Variants in PKN2 observed in about 807,000 individuals in gnomAD.
PKN2 encodes serine/threonine-protein kinase N2.
In PKN2, 38 loss-of-function variants were observed where a neutral mutation model predicts 119.1. The observed-to-expected ratio is 0.32, with a 90% confidence interval of 0.25 to 0.42. The LOEUF is 0.42. Among genes scored for constraint, PKN2 ranks in the 10% least tolerant of loss-of-function variants. PKN2 has a pLI of 1.00. For synonymous variants in PKN2, 390 were observed against 384.9 expected (o/e 1.01, Z -0.15); for missense variants, 850 against 1,165.1 (o/e 0.73, Z 3.94).
At chr1:88,750,756 T>C (rs143771415) in intron 2 of PKN2, among the ~76,000 whole-genome samples, 14 of 152,302 alleles carry the variant, frequency 9.2e-5, no homozygotes, top group African/African-American at 3.1e-4. Context: ...CCCAGTAATC[T>C]ATAAGTAAAA....
intron 15 of PKN2, 72 bp downstream of exon 15, chr1:88,807,847 A>T (rs1671613340): frequency 7.4e-6 from 6 of 810,296 alleles, no homozygotes; most frequent in Admixed American, 2.4e-5. Context: ...ATGTATTACA[A>T]CAGCAAAACT....
At chr1:88,731,020 C>T (rs977731261) in intron 1 of PKN2, among the ~76,000 whole-genome samples, 2 of 152,216 alleles carry the variant, frequency 1.3e-5, no homozygotes, top group African/African-American at 4.8e-5. Flanking sequence ...GCCTTTGCTG[C>T]TCTTTCAAAT....
At chr1:88,740,076 G>A (rs932071198) in intron 1 of PKN2, among the ~76,000 whole-genome samples, 1 of 152,020 alleles carries the variant, frequency 6.6e-6, no homozygotes, top group Non-Finnish European at 1.5e-5. Context: ...CTTGTATTGT[G>A]TATTATAAAT....
At chr1:88,762,575 G>T (rs995884601) in intron 3 of PKN2, among the ~76,000 whole-genome samples, 12 of 152,110 alleles carry the variant, frequency 7.9e-5, no homozygotes, top group African/African-American at 2.9e-4. Context: ...ATTATGCTCG[G>T]CTCTGGGGTG....
rs113995643 is a variant in PKN2 at position 88,829,834 on chromosome 1, T to C, written c.2562+1211T>C. ...AGTGCTGAATGAACAAATTATCAAA[T>C]TGAATATCAGAAATTTCTAAAGTTT... On this transcript the variant is annotated intron_variant, in intron 19 of 21. Coordinates refer to ENST00000370521, the MANE Select transcript of PKN2 (RefSeq NM_006256.4). Among the ~76,000 whole-genome samples, 854 of 152,318 alleles carry C rather than the reference T, an allele frequency of 5.6e-3. 8 individuals carry two copies. The highest frequency in any genetic ancestry group is 0.02 in the African/African-American group (826 of 41,560).
Position 88,833,566 on chromosome 1 carries a change from T to C in PKN2, c.*118T>C, listed in dbSNP as rs1251792150. On this transcript the variant is annotated 3_prime_UTR_variant, in exon 22 of 22. Coordinates refer to ENST00000370521, the MANE Select transcript of PKN2 (RefSeq NM_006256.4). ...GAGTTTTTTGTTGTTGTTGTTTTTA[T>C]TGAAACACGTGAAGATTTGTTTAAA... 4.2e-6 allele frequency: 3 copies of C among 720,488 alleles called. No individual in the cohort carries two copies. Among genetic ancestry groups the C allele is most frequent in the Non-Finnish European group, 2.3e-6 (1 of 426,856 alleles). 44.6% of individuals were successfully genotyped at this position (720,488 alleles called of 1,614,324 possible).
At chr1:88,825,667 G>A (rs1672472037) in intron 18 of PKN2, among the ~76,000 whole-genome samples, 2 of 152,092 alleles carry the variant, frequency 1.3e-5, no homozygotes, top group African/African-American at 2.4e-5. Flanking sequence ...GACAAGACAG[G>A]TATAATAATC....
intron 1 of PKN2, among the ~76,000 whole-genome samples, chr1:88,689,529 G>A (rs1332773185): frequency 6.6e-6 from 1 of 152,048 alleles, no homozygotes; most frequent in East Asian, 1.9e-4. Context: ...GAAAAGTGCA[G>A]GCTGGGCATA....
chr1:88,704,598 C>T (rs147187093), intron 1 of PKN2, among the ~76,000 whole-genome samples: 18 of 152,076 alleles, frequency 1.2e-4, no homozygotes, highest in African/African-American at 4.3e-4. Context: ...TATCATTTTA[C>T]TTTTCCACTA....
chr1:88,819,992 G>C (rs113960983), intron 16 of PKN2, among the ~76,000 whole-genome samples: 2 of 151,328 alleles, frequency 1.3e-5, no homozygotes, highest in South Asian at 2.1e-4. Flanking sequence ...ATCACACACC[G>C]GGGGTCGGGG....
chr1:88,721,596 T>C (rs1253139538), intron 1 of PKN2, among the ~76,000 whole-genome samples: 1 of 152,208 alleles, frequency 6.6e-6, no homozygotes, highest in Non-Finnish European at 1.5e-5. Context: ...CTGCTTAATA[T>C]GATTTTTGAA....
chr1:88,809,138 C>T lies in PKN2; in HGVS notation c.2102+1363C>T, dbSNP rs892084755. ...CTTTTGGATTTTCCTATTTATTTTT[C>T]ACCTCTGTTTCTTTTTCACTGTTTC... On this transcript the variant is annotated intron_variant, in intron 15 of 21. Transcript: ENST00000370521. 2.0e-5 allele frequency among the ~76,000 whole-genome samples: 3 copies of T among 151,726 alleles called. No homozygotes were observed. The South Asian group carries it at 6.2e-4, about 31-fold the overall frequency.
Position 88,835,077 on chromosome 1 carries a change from A to C in PKN2, c.*1629A>C, listed in dbSNP as rs1390182796. 6.6e-6 allele frequency: 1 copy of C among 152,394 alleles called. No homozygotes were observed. Among genetic ancestry groups the C allele is most frequent in the African/African-American group, 2.4e-5 (1 of 41,446 alleles). The allele number at this position is 152,394 out of a possible 1,614,324, so 9.4% of individuals were successfully genotyped here. On this transcript the variant is annotated 3_prime_UTR_variant, in exon 22 of 22. Transcript: ENST00000370521. ...GAGAGTTGAGCTAAAAACATTTATA[A>C]ATATTTGCTGGGATGTTTTAGCATC...
At chr1:88,776,223 CCTTGCCCTCCCT>C (rs913747989) in intron 6 of PKN2, among the ~76,000 whole-genome samples, 16 of 139,222 alleles carry the variant, frequency 1.1e-4, no homozygotes, top group Non-Finnish European at 2.3e-4. Flanking sequence ...ACCCCCTCCC[CCTTGCCCTCCCT>C]GACACTGCCC....
At chr1:88,705,117 T>A (rs1202101830) in intron 1 of PKN2, among the ~76,000 whole-genome samples, 2 of 151,008 alleles carry the variant, frequency 1.3e-5, no homozygotes, top group Non-Finnish European at 2.9e-5. Flanking sequence ...CTGTAGCTTA[T>A]CTTTTCTTTT....
rs1453334908 is a variant in PKN2, at chr1:88,684,505, C to CA, written c.-75dup. The stretch of plus-strand genomic sequence containing the variant: ...TCTTTCTCTCCCCTCTCCTCACCCC[C>CA]ACCCCGAGCCCCGTCCCGCCTTCTC... On this transcript the variant is annotated 5_prime_UTR_variant, in exon 1 of 22. Transcript: ENST00000370521. The CA allele has an allele frequency of 1.5e-6, 2 of 1,314,704 alleles. No homozygotes were observed. Among genetic ancestry groups the CA allele is most frequent in the Non-Finnish European group, 2.1e-6 (2 of 950,644 alleles). 81.4% of individuals were successfully genotyped at this position (1,314,704 alleles called of 1,614,324 possible). A position where few individuals can be genotyped will look rare whatever the true frequency, so the allele number is the denominator to read the frequency against.
chr1:88,828,115 A>G (rs1420388473), intron 18 of PKN2, among the ~76,000 whole-genome samples: 1 of 152,130 alleles, frequency 6.6e-6, no homozygotes, highest in Non-Finnish European at 1.5e-5. Context: ...TTTTTTTAGA[A>G]TGTTGATTTT....
At chr1:88,735,902 A>T (rs1668329203) in intron 1 of PKN2, among the ~76,000 whole-genome samples, 1 of 152,132 alleles carries the variant, frequency 6.6e-6, no homozygotes, top group Admixed American at 6.5e-5. Flanking sequence ...TTGTGTTATT[A>T]TCTCTTTGAA....
intron 15 of PKN2, among the ~76,000 whole-genome samples, chr1:88,808,526 G>C (rs554615722): frequency 6.6e-6 from 1 of 151,920 alleles, no homozygotes; most frequent in African/African-American, 2.4e-5. Context: ...GGATGGTCTC[G>C]ATCTCCTGAC....
Sources: gnomAD v4.1 joint callset for allele counts (sites outside exome capture counted in the v4.1 genomes callset) on GRCh38, gnomAD v4.1.1 for gene constraint, MANE v1.5 for transcripts, NCBI Gene and HGNC (gene_info 2026-07-23, HGNC 2026-07-21) for gene names.